Variants in MAPRE2 observed in about 807,000 individuals in gnomAD.
MAPRE2 encodes microtubule-associated protein RP/EB family member 2.
MAPRE2 carries 13 observed loss-of-function variants against 43.2 expected under a neutral mutation model. The ratio of observed to expected loss-of-function variants is 0.30; its 90% CI spans 0.20 to 0.48. The LOEUF is 0.48. Among genes scored for constraint, MAPRE2 ranks in the 20% least tolerant of loss-of-function variants. The pLI, the probability that MAPRE2 is intolerant of heterozygous loss-of-function variation, is 0.99. For synonymous variants in MAPRE2, 135 were observed against 148.8 expected, an observed-to-expected ratio of 0.91 and a Z score of 0.68; for missense variants, 161 against 400.2, an observed-to-expected ratio of 0.40 and a Z score of 5.10.
chr18:34,990,103 T>C (rs1226598778), intron 1 of MAPRE2, among the ~76,000 whole-genome samples: 6 of 152,182 alleles, frequency 3.9e-5, no homozygotes, highest in African/African-American at 1.4e-4. Context: ...TCCAATACAA[T>C]GATTTGTAGA....
chr18:34,996,019 C>T (rs891397694), intron 1 of MAPRE2, among the ~76,000 whole-genome samples: 5 of 152,082 alleles, frequency 3.3e-5, no homozygotes, highest in African/African-American at 9.7e-5. Context: ...GTCAGGAAAG[C>T]GCTGTCACAG....
chr18:35,122,332 AGTT>A (rs1246382840), intron 4 of MAPRE2, among the ~76,000 whole-genome samples: 1 of 152,028 alleles, frequency 6.6e-6, no homozygotes, highest in African/African-American at 2.4e-5. Flanking sequence ...TTTTTGTTGT[AGTT>A]GTTGTTTTAC....
intron 2 of MAPRE2, among the ~76,000 whole-genome samples, chr18:35,033,397 C>G (rs1371318016): frequency 6.7e-6 from 1 of 149,458 alleles, no homozygotes; most frequent in East Asian, 2.0e-4. Context: ...AAACCCACAG[C>G]CAATATCATA....
chr18:35,069,241 G>A (rs546234117), intron 1 of MAPRE2, among the ~76,000 whole-genome samples: 4 of 152,146 alleles, frequency 2.6e-5, no homozygotes, highest in Admixed American at 2.6e-4. Flanking sequence ...GAAATTTAAA[G>A]AATGTATCAA....
intron 6 of MAPRE2, among the ~76,000 whole-genome samples, chr18:35,135,827 G>A (rs559729425): frequency 6.6e-6 from 1 of 152,364 alleles, no homozygotes; most frequent in East Asian, 1.9e-4. Context: ...TGGTACAGCT[G>A]TGTGTACAGA....
intron 2 of MAPRE2, among the ~76,000 whole-genome samples, chr18:35,093,336 G>C (rs911121941): frequency 6.6e-6 from 1 of 151,246 alleles, no homozygotes; most frequent in Non-Finnish European, 1.5e-5. Flanking sequence ...AATTAGTACA[G>C]CCATTATAAA....
chr18:35,021,981 C>A (rs2097042203), intron 2 of MAPRE2, among the ~76,000 whole-genome samples: 1 of 152,040 alleles, frequency 6.6e-6, no homozygotes, highest in South Asian at 2.1e-4. Flanking sequence ...AGAGTGATCA[C>A]CTGAATGTTA....
intron 2 of MAPRE2, among the ~76,000 whole-genome samples, chr18:35,075,071 G>A (rs977337091): frequency 1.3e-5 from 2 of 152,176 alleles, no homozygotes; most frequent in Non-Finnish European, 2.9e-5. Context: ...CTTGGATCAA[G>A]TCACTGGTAT....
intron 2 of MAPRE2, among the ~76,000 whole-genome samples, chr18:35,072,285 G>A (rs1413349890): frequency 2.0e-5 from 3 of 152,192 alleles, no homozygotes; most frequent in Non-Finnish European, 4.4e-5. Flanking sequence ...CCTAATGCAT[G>A]GTTTTCCTTC....
Position 35,083,501 on chromosome 18 carries a change from G to T in MAPRE2, c.250+13179G>T, listed in dbSNP as rs182005377. On this transcript the variant is annotated intron_variant, in intron 2 of 6. Coordinates refer to ENST00000300249, the MANE Select transcript of MAPRE2 (RefSeq NM_014268.4). Reference sequence around the variant, plus strand: ...TAGCTCCACTCTCAGACTCTAGCCTGTGAGACATCGCACTGCCAGTTTCAG... The same window carrying T: ...TAGCTCCACTCTCAGACTCTAGCCTTTGAGACATCGCACTGCCAGTTTCAG... Among the ~76,000 whole-genome samples, 4 of 152,334 alleles carry T rather than the reference G, an allele frequency of 2.6e-5. No homozygotes were observed. In the East Asian group the frequency reaches 7.7e-4, roughly 29 times the overall value.
chr18:35,104,107 C>G (rs946188709), intron 4 of MAPRE2, among the ~76,000 whole-genome samples: 1 of 152,088 alleles, frequency 6.6e-6, no homozygotes, highest in Admixed American at 6.6e-5. Context: ...GAACAAAAAC[C>G]GTAGGAAATT....
chr18:35,112,031 G>A (rs1909197735), intron 4 of MAPRE2, among the ~76,000 whole-genome samples: 1 of 152,042 alleles, frequency 6.6e-6, no homozygotes, highest in Admixed American at 6.6e-5. Context: ...TGTCTTTAAG[G>A]ATCAAATATT....
chr18:34,990,866 A>G lies in MAPRE2; in HGVS notation c.-70+13787A>G, dbSNP rs2097023398. Among the ~76,000 whole-genome samples, 6 of 152,196 alleles carry G rather than the reference A, an allele frequency of 3.9e-5. No homozygotes were observed. The South Asian group carries it at 1.2e-3, about 32-fold the overall frequency. ...TGAGACTCCATCTCTATAAAAAGAA[A>G]CACACAAAAAATTAAGCAATAACTG... is the stretch of plus-strand genomic sequence containing the variant. On this transcript the variant is annotated intron_variant, in intron 1 of 7. Coordinates refer to the MAPRE2 transcript ENST00000413393.
Position 35,070,222 on chromosome 18 carries a change from T to C in MAPRE2, c.150T>C (p.Ser50=), listed in dbSNP as rs903826926. 8 of 1,607,722 alleles carry C rather than the reference T, an allele frequency of 5.0e-6. No homozygotes were observed. The highest frequency in any genetic ancestry group is 6.8e-6 in the Non-Finnish European group (8 of 1,177,704). Residue 50 remains serine (S), a synonymous_variant, in exon 2 of 7, where the codon TCT becomes TCC. Transcript: ENST00000300249. ...GGGGAATGGCGGTCAATGTGTATTC[T>C]ACCTCGATAACCCAAGAGACTATGA... The part of the protein sequence containing the change: ...YSWGMAVNVY[S]TSITQETMSR...
At position 35,070,216 on chromosome 18, in the gene MAPRE2, G is replaced by A; in HGVS notation, c.144G>A (p.Val48=). The change falls in exon 2 of 7, where the codon GTG becomes GTA. Residue 48 remains valine (V), a synonymous_variant. Coordinates refer to ENST00000300249, the MANE Select transcript of MAPRE2 (RefSeq NM_014268.4). ...RSYSWGMAVN[V]YSTSITQETM... ...CTAGTTGGGGAATGGCGGTCAATGT[G>A]TATTCTACCTCGATAACCCAAGAGA... 4 of 1,602,720 alleles carry A rather than the reference G, an allele frequency of 2.5e-6. No individual in the cohort carries two copies. The highest frequency in any genetic ancestry group is 3.4e-6 in the Non-Finnish European group (4 of 1,176,096).
intron 2 of MAPRE2, among the ~76,000 whole-genome samples, chr18:35,023,284 G>A (rs988830444): frequency 6.6e-6 from 1 of 151,958 alleles, no homozygotes. Context: ...AGGCCGAGGT[G>A]GGTGGATCAT....
intron 1 of MAPRE2, among the ~76,000 whole-genome samples, chr18:35,069,732 G>T (rs955117463): frequency 1.3e-5 from 2 of 152,008 alleles, no homozygotes; most frequent in African/African-American, 2.4e-5. Flanking sequence ...TTTCATCCAG[G>T]TTTAAATATT....
At chr18:35,081,600 T>C (rs968756155) in intron 2 of MAPRE2, among the ~76,000 whole-genome samples, 1 of 151,812 alleles carries the variant, frequency 6.6e-6, no homozygotes, top group Non-Finnish European at 1.5e-5. Context: ...AGATGAAAGC[T>C]AGAGGACTGG....
chr18:35,026,187 C>A (rs2097045052), intron 2 of MAPRE2, among the ~76,000 whole-genome samples: 1 of 151,994 alleles, frequency 6.6e-6, no homozygotes, highest in African/African-American at 2.4e-5. Context: ...GCAGGACATA[C>A]CTGTCCCCCT....
Sources: gnomAD v4.1 joint callset for allele counts (sites outside exome capture counted in the v4.1 genomes callset) on GRCh38, gnomAD v4.1.1 for gene constraint, MANE v1.5 for transcripts, NCBI Gene and HGNC (gene_info 2026-07-23, HGNC 2026-07-21) for gene names.